NGLY1: variants seen among roughly 807,000 people sequenced by gnomAD.
The protein encoded by NGLY1 is N-glycanase 1.
In NGLY1, 68 loss-of-function variants were observed where a neutral mutation model predicts 84.6. The observed-to-expected ratio is 0.80, with a 90% CI of 0.66 to 0.98. The LOEUF is 0.98. NGLY1 is among the 50% of genes least tolerant of loss of function. The probability of loss-of-function intolerance (pLI) is 0.00; values close to 1 mark genes in which losing one functional copy is unlikely to be tolerated. For synonymous variants in NGLY1, 280 were observed against 275.2 expected (o/e 1.02, Z -0.17); for missense variants, 779 against 770.2 (o/e 1.01, Z -0.14).
upstream of NGLY1, among the ~76,000 whole-genome samples, chr3:25,788,402 T>C (rs1708648874): frequency 6.6e-6 from 1 of 152,162 alleles, no homozygotes; most frequent in Non-Finnish European, 1.5e-5. Flanking sequence ...TTTGAAGATT[T>C]TGGTGCAAGA....
At chr3:25,779,626 G>A (rs1026544332) in intron 1 of NGLY1, among the ~76,000 whole-genome samples, 1 of 152,104 alleles carries the variant, frequency 6.6e-6, no homozygotes, top group Non-Finnish European at 1.5e-5. Flanking sequence ...TGGTGAGTAG[G>A]CAAATGCTAG....
rs551438737 is a variant in NGLY1, at chr3:25,775,614, T to C, written c.246+2960A>G. On this transcript the variant is annotated intron_variant, in intron 2 of 11. Transcript: ENST00000280700. ...TTGATCCCATAGAAGAAAAGAGTGA[T>C]TGTAAAAAGATATTACAAAATTAAA... Among the ~76,000 whole-genome samples, 3 of 152,242 alleles carry C rather than the reference T, an allele frequency of 2.0e-5. 1 individual carries two copies. The highest frequency in any genetic ancestry group is 4.8e-5 in the African/African-American group (2 of 41,542).
At chr3:25,747,876 G>A (rs1706518952) in intron 4 of NGLY1, among the ~76,000 whole-genome samples, 1 of 152,208 alleles carries the variant, frequency 6.6e-6, no homozygotes. Context: ...ACTAGCTTGG[G>A]AGTAAGAAAT....
At chr3:25,786,800 A>C (rs928490066), upstream of NGLY1, among the ~76,000 whole-genome samples, 24 of 152,244 alleles carry the variant, frequency 1.6e-4, no homozygotes, top group South Asian at 1.9e-3. Flanking sequence ...TATTAATGCT[A>C]TGGCATTGGT....
At chr3:25,784,259 A>G (rs1191783205), upstream of NGLY1, 1 of 152,154 alleles carries the variant, frequency 6.6e-6, no homozygotes, top group African/African-American at 2.4e-5. Flanking sequence ...GTATTTTTAA[A>G]CCATAGGTTG....
chr3:25,766,928 C>T (rs148392374), intron 2 of NGLY1, among the ~76,000 whole-genome samples: 1 of 152,148 alleles, frequency 6.6e-6, no homozygotes, highest in Admixed American at 6.5e-5. Context: ...AAAAATTTAA[C>T]CAACAGCACT....
chr3:25,753,409 A>G (rs1706859884), intron 3 of NGLY1, among the ~76,000 whole-genome samples: 1 of 80,614 alleles, frequency 1.2e-5, no homozygotes, highest in East Asian at 9.6e-4. Flanking sequence ...TAGGAAAGTT[A>G]TTATAGCCAA....
chr3:25,766,532 G>T (rs1454077243), intron 2 of NGLY1, among the ~76,000 whole-genome samples: 3 of 152,228 alleles, frequency 2.0e-5, no homozygotes, highest in Non-Finnish European at 1.5e-5. Flanking sequence ...ACAAATAGTT[G>T]AAGGGAATGA....
chr3:25,749,551 C>T lies in NGLY1; in HGVS notation c.658+1547G>A, dbSNP rs535889763. ...CAAAAAGAGAACCAAGAAGTTCATCCGGCACCAGTCTGACTGATATGTCAA... is the reference window on the plus strand; with the variant it reads ...CAAAAAGAGAACCAAGAAGTTCATCTGGCACCAGTCTGACTGATATGTCAA... On this transcript the variant is annotated intron_variant, in intron 4 of 11. Transcript: ENST00000280700. 72 of 1,573,342 alleles carry T rather than the reference C, an allele frequency of 4.6e-5. No homozygotes were observed. The East Asian group carries it at 8.5e-4, about 19-fold the overall frequency.
At chr3:25,731,535 G>T (rs576247829) in intron 9 of NGLY1, among the ~76,000 whole-genome samples, 1 of 152,134 alleles carries the variant, frequency 6.6e-6, no homozygotes, top group East Asian at 1.9e-4. Context: ...AAACTGTTTG[G>T]CAATATGTAC....
chr3:25,737,239 C>A (rs1705873490), intron 6 of NGLY1, 95 bp downstream of exon 6: 1 of 1,106,510 alleles, frequency 9.0e-7, no homozygotes, highest in Non-Finnish European at 1.3e-6. Context: ...ACTGACAAGG[C>A]CAAAAAGTAA....
intron 10 of NGLY1, among the ~76,000 whole-genome samples, chr3:25,728,087 C>A (rs558783233): frequency 6.6e-6 from 1 of 151,978 alleles, no homozygotes; most frequent in Non-Finnish European, 1.5e-5. Context: ...TTAGAATAAT[C>A]CTGTAAGTTA....
chr3:25,728,183 T>A (rs1234813840), intron 10 of NGLY1, among the ~76,000 whole-genome samples: 1 of 152,108 alleles, frequency 6.6e-6, no homozygotes, highest in East Asian at 1.9e-4. Context: ...AAGATAAGTT[T>A]TTGAACAAAA....
chr3:25,720,842 A>G (rs1704949845), intron 10 of NGLY1, among the ~76,000 whole-genome samples: 1 of 152,194 alleles, frequency 6.6e-6, no homozygotes, highest in Non-Finnish European at 1.5e-5. Flanking sequence ...ATGAAAACTG[A>G]CATCCACAGC....
chr3:25,728,555 G>A (rs1426015490), intron 10 of NGLY1, among the ~76,000 whole-genome samples: 3 of 152,068 alleles, frequency 2.0e-5, no homozygotes, highest in African/African-American at 4.8e-5. Context: ...AGCATGTGAC[G>A]ATAATATGCA....
rs1357440993 is a variant in NGLY1 at position 25,783,406 on chromosome 3, G to T, written c.-16C>A. On this transcript the variant is annotated 5_prime_UTR_variant, in exon 1 of 12. Transcript: ENST00000280700. The surrounding 1 kb of genome is among the most constrained non-coding windows in gnomAD (Gnocchi z 4.5). ...CCGCCGCCATGCTTGAGCGCCAGCGGGCGCCGCCGCCGCCCCTCGCTCTCC... is the reference window on the plus strand; with the variant it reads ...CCGCCGCCATGCTTGAGCGCCAGCGTGCGCCGCCGCCGCCCCTCGCTCTCC... 6.6e-7 allele frequency: 1 copy of T among 1,523,278 alleles called. No individual in the cohort carries two copies. The highest frequency in any genetic ancestry group is 8.8e-7 in the Non-Finnish European group (1 of 1,136,636). 94.4% of individuals were successfully genotyped at this position (1,523,278 alleles called of 1,614,324 possible).
At chr3:25,719,934 G>T in intron 11 of NGLY1, 80 bp downstream of exon 11, 1 of 1,254,500 alleles carries the variant, frequency 8.0e-7, no homozygotes, top group Non-Finnish European at 1.1e-6. Context: ...ACGAAAAAGA[G>T]CTACATCTCA....
At chr3:25,763,163 A>C (rs370388232) in intron 3 of NGLY1, among the ~76,000 whole-genome samples, 1 of 152,156 alleles carries the variant, frequency 6.6e-6, no homozygotes, top group African/African-American at 2.4e-5. Context: ...AAGTTTAAAC[A>C]AGATTAAGAA....
Position 25,737,376 on chromosome 3 carries a change from G to C in NGLY1, c.961C>G (p.Arg321Gly). The part of the protein sequence containing the change: ...EWANCFTLCC[R>G]AVGFEARYVW... ...TAGCGAGCTTCAAACCCTACAGCTC[G>C]GCAGCACAGTGTAAAACAATTGGCC... The change falls in exon 6 of 12, where the codon CGA (arginine) becomes GGA (glycine). Residue 321 changes from arginine (R) to glycine (G), a missense_variant. Arg to Gly is a moderately radical substitution (Grantham distance 125). Transcript: ENST00000280700. 2 of 1,613,678 alleles carry C rather than the reference G, an allele frequency of 1.2e-6. No homozygotes were observed. Among genetic ancestry groups the C allele is most frequent in the Middle Eastern group, 1.7e-4 (1 of 6,060 alleles).
Sources: gnomAD v4.1 joint callset for allele counts (sites outside exome capture counted in the v4.1 genomes callset) on GRCh38, gnomAD v4.1.1 for gene constraint, Gnocchi (gnomAD v3.1) non-coding constraint, MANE v1.5 for transcripts, NCBI Gene and HGNC (gene_info 2026-07-23, HGNC 2026-07-21) for gene names.